The following RICTOR variants were observed in gnomAD, a reference collection of about 807,000 sequenced individuals.
RICTOR encodes RPTOR independent companion of MTOR complex 2, also known as rapamycin-insensitive companion of mTOR.
Under a neutral mutation model 214.9 loss-of-function variants are expected in RICTOR, and 49 were observed. The observed-to-expected ratio is 0.23, with a 90% CI of 0.18 to 0.29. The LOEUF (loss-of-function observed/expected upper bound fraction) is 0.29. Ranked by LOEUF, RICTOR falls within the 10% of genes least tolerant of loss-of-function variation. The pLI, the probability that RICTOR is intolerant of heterozygous loss-of-function variation, is 1.00. For missense variants in RICTOR, 1,625 were observed against 2,047.0 expected (o/e 0.79, Z 3.98); for synonymous variants, 717 against 711.3 (o/e 1.01, Z -0.13).
At chr5:38,980,532 C>T (rs1229150867) in intron 8 of RICTOR, among the ~76,000 whole-genome samples, 1 of 152,084 alleles carries the variant, frequency 6.6e-6, no homozygotes, top group Non-Finnish European at 1.5e-5. Context: ...TGCTAATCCA[C>T]TGTGTGATAT....
At chr5:39,014,619 T>C (rs1754800645) in intron 3 of RICTOR, among the ~76,000 whole-genome samples, 1 of 152,088 alleles carries the variant, frequency 6.6e-6, no homozygotes, top group Non-Finnish European at 1.5e-5. Flanking sequence ...AGCTAAAATA[T>C]TTTCATCTTT....
chr5:38,953,101 A>T lies in RICTOR; in HGVS notation c.2791-10T>A. Reference sequence around the variant, plus strand: ...ATGAGCCGATATTTCCCTGAAAGAAAAGAAATCACTTACATCAAATATAAG... The same window carrying T: ...ATGAGCCGATATTTCCCTGAAAGAATAGAAATCACTTACATCAAATATAAG... On this transcript the variant is annotated splice_polypyrimidine_tract_variant and intron_variant, in intron 28 of 37. Transcript: ENST00000357387. The T allele has an allele frequency of 6.5e-7, 1 of 1,549,962 alleles. No individual in the cohort carries two copies. The highest frequency in any genetic ancestry group is 1.7e-5 in the Admixed American group (1 of 59,442).
At chr5:38,945,348 A>G (rs1748071856) in intron 34 of RICTOR, 143 bp downstream of exon 34, 1 of 637,218 alleles carries the variant, frequency 1.6e-6, no homozygotes, top group South Asian at 2.0e-5. Context: ...GCATCTCAGC[A>G]TAACATAATT....
chr5:38,994,138 C>T (rs1424431283), intron 6 of RICTOR, among the ~76,000 whole-genome samples: 2 of 151,670 alleles, frequency 1.3e-5, no homozygotes, highest in African/African-American at 2.4e-5. Flanking sequence ...TGCAGTGAGC[C>T]GAGATTGCAC....
chr5:39,053,511 T>G (rs377666003), intron 2 of RICTOR, among the ~76,000 whole-genome samples: 28 of 152,296 alleles, frequency 1.8e-4, no homozygotes, highest in African/African-American at 6.5e-4. Context: ...CTATAGCCTC[T>G]TTAAAAAATA....
chr5:39,061,212 G>T (rs2150205750), intron 2 of RICTOR, among the ~76,000 whole-genome samples: 1 of 151,194 alleles, frequency 6.6e-6, no homozygotes, highest in Admixed American at 6.6e-5. Context: ...GCATACAGCA[G>T]GGTCCAGCCT....
intron 35 of RICTOR, 45 bp downstream of exon 35, chr5:38,944,868 G>A (rs756539997): frequency 6.4e-6 from 10 of 1,562,384 alleles, no homozygotes; most frequent in Non-Finnish European, 7.0e-6. Flanking sequence ...CAACTAATCA[G>A]AACAGTTTTA....
chr5:39,024,689 C>T (rs1031621059), intron 2 of RICTOR, among the ~76,000 whole-genome samples: 4 of 152,128 alleles, frequency 2.6e-5, no homozygotes, highest in African/African-American at 4.8e-5. Flanking sequence ...CAGATTAACT[C>T]GTGACAATAT....
chr5:38,978,667 A>G lies in RICTOR; in HGVS notation c.754-17T>C. The G allele has an allele frequency of 2.4e-6, 3 of 1,251,840 alleles. No individual in the cohort carries two copies. The highest frequency in any genetic ancestry group is 3.4e-6 in the Non-Finnish European group (3 of 876,966). The allele number at this position is 1,251,840 out of a possible 1,614,324, so 77.5% of individuals were successfully genotyped here. A position where few individuals can be genotyped will look rare whatever the true frequency, so the allele number is the denominator to read the frequency against. The stretch of plus-strand genomic sequence containing the variant: ...TAAAATTCTCTATTTAAAAAAAAAA[A>G]GGAAGAAAAGAGTCTTTATTTTAAA... On this transcript the variant is annotated splice_polypyrimidine_tract_variant and intron_variant, in intron 8 of 37. Coordinates refer to ENST00000357387, the MANE Select transcript of RICTOR (RefSeq NM_152756.5).
intron 15 of RICTOR, among the ~76,000 whole-genome samples, chr5:38,965,522 G>A (rs926631125): frequency 6.6e-6 from 1 of 151,780 alleles, no homozygotes; most frequent in Non-Finnish European, 1.5e-5. Context: ...TATGGGACAA[G>A]GGAAAAAGAT....
chr5:38,960,361 A>G (rs770500809), intron 20 of RICTOR, 37 bp downstream of exon 20: 148 of 1,596,950 alleles, frequency 9.3e-5, no homozygotes, highest in Non-Finnish European at 1.2e-4. Flanking sequence ...AAATTCAATA[A>G]AAAACATTTG....
intron 5 of RICTOR, among the ~76,000 whole-genome samples, chr5:39,000,931 AAAAC>A (rs1213675269): frequency 2.0e-5 from 3 of 152,100 alleles, no homozygotes; most frequent in Non-Finnish European, 2.9e-5. Context: ...ACTTCTGCAA[AAAAC>A]AAACAAACAC....
intron 9 of RICTOR, among the ~76,000 whole-genome samples, chr5:38,976,729 C>G (rs1436606693): frequency 4.6e-5 from 7 of 152,102 alleles, no homozygotes; most frequent in Admixed American, 4.6e-4. Context: ...ATTTACAGGC[C>G]TGATATCTAC....
chr5:38,947,622 A>G (rs899678231), intron 31 of RICTOR, among the ~76,000 whole-genome samples, 181 bp from the exon 32 acceptor site: 5 of 152,168 alleles, frequency 3.3e-5, no homozygotes, highest in African/African-American at 7.2e-5. Flanking sequence ...ATAGACCGCT[A>G]TGTAAAAGGT....
At chr5:39,048,847 A>G (rs940601337) in intron 2 of RICTOR, among the ~76,000 whole-genome samples, 8 of 152,200 alleles carry the variant, frequency 5.3e-5, no homozygotes, top group African/African-American at 1.9e-4. Context: ...CTAACCCTTG[A>G]GTCAATGCAA....
chr5:38,970,421 C>T (rs1750683373), intron 11 of RICTOR: 1 of 152,210 alleles, frequency 6.6e-6, no homozygotes, highest in African/African-American at 2.4e-5. Flanking sequence ...AGAGGTTAAA[C>T]TCCAGTTGGT....
intron 3 of RICTOR, among the ~76,000 whole-genome samples, chr5:39,011,873 A>ACTTGC: frequency 6.6e-6 from 1 of 152,212 alleles, no homozygotes; most frequent in Admixed American, 6.5e-5. Flanking sequence ...GGCGGAAGGG[A>ACTTGC]CTTGCCTTGT....
rs2043112 is a variant in RICTOR, at chr5:38,955,694, G to T, written c.2510C>A (p.Ser837Tyr). 1 of 1,569,964 alleles carries T rather than the reference G, an allele frequency of 6.4e-7. No homozygotes were observed. Among genetic ancestry groups the T allele is most frequent in the Non-Finnish European group, 8.8e-7 (1 of 1,140,194 alleles). The stretch of plus-strand genomic sequence containing the variant: ...TTCCTCAATCAAGTCAACATATTTG[G>T]AGTTGTATTCCTAGAGGATAATATT... ...QLEKWHREYN[S>Y]KYVDLIEEQL... is the part of the protein sequence containing the mutation. Residue 837 changes from serine to tyrosine, a missense_variant, in exon 26 of 38, where the codon TCC becomes TAC. By Grantham distance (144) the Ser-to-Tyr change is moderately radical (BLOSUM62 -2). This residue lies in a region of RICTOR where 1,214 missense variants were observed against 1,470.5 expected (regional missense o/e 0.83). Coordinates refer to ENST00000357387, the MANE Select transcript of RICTOR (RefSeq NM_152756.5).
chr5:39,017,214 G>C (rs1755027603), intron 3 of RICTOR, among the ~76,000 whole-genome samples: 1 of 152,060 alleles, frequency 6.6e-6, no homozygotes, highest in Non-Finnish European at 1.5e-5. Context: ...TGCAAACTTG[G>C]TTATAACAGT....
Sources: allele counts gnomAD v4.1 joint callset (sites outside exome capture counted in the v4.1 genomes callset), GRCh38; gene constraint gnomAD v4.1.1; regional missense constraint gnomAD v4.1.1; transcripts MANE v1.5; gene names NCBI Gene and HGNC (gene_info 2026-07-23, HGNC 2026-07-21).